Variants in ZPLD1 observed in about 807,000 individuals in gnomAD.
The protein encoded by ZPLD1 is zona pellucida like domain containing 1, also known as zona pellucida-like domain-containing protein 1.
A neutral mutation model predicts 47.2 loss-of-function variants in ZPLD1; 34 were observed. That is an observed-to-expected ratio of 0.72 (90% confidence interval 0.55 to 0.96). ZPLD1 has a LOEUF of 0.96. Among genes scored for constraint, ZPLD1 ranks in the 40% least tolerant of loss-of-function variants. ZPLD1 has a pLI of 0.00. For synonymous variants in ZPLD1, 176 were observed against 186.2 expected (o/e 0.95, Z 0.45); for missense variants, 512 against 505.8 (o/e 1.01, Z -0.12).
chr3:102,468,638 A>G (rs1707634127), intron 8 of ZPLD1, among the ~76,000 whole-genome samples: 1 of 152,240 alleles, frequency 6.6e-6, no homozygotes, highest in Non-Finnish European at 1.5e-5. Flanking sequence ...AAAATAAATG[A>G]AAATAAATGA....
upstream of ZPLD1, among the ~76,000 whole-genome samples, chr3:102,434,763 A>C (rs1179416288): frequency 6.6e-6 from 1 of 152,192 alleles, no homozygotes; most frequent in Non-Finnish European, 1.5e-5. Context: ...TGGTTGCTGC[A>C]CTTAGATGTG....
chr3:102,424,217 C>A (rs750106209), intron 8 of ZPLD1, among the ~76,000 whole-genome samples: 5 of 152,096 alleles, frequency 3.3e-5, no homozygotes, highest in Non-Finnish European at 7.4e-5. Context: ...AAATTGTCCT[C>A]GTCTCTCCAG....
At chr3:102,435,210 T>C in intron 1 of ZPLD1, 56 bp downstream of exon 1, 1 of 1,588,674 alleles carries the variant, frequency 6.3e-7, no homozygotes, top group East Asian at 2.2e-5. Context: ...TGTTTTAACT[T>C]ACAGTTGAAC....
At chr3:102,399,429 A>G (rs1473806140) in intron 7 of ZPLD1, among the ~76,000 whole-genome samples, 3 of 151,886 alleles carry the variant, frequency 2.0e-5, no homozygotes, top group Non-Finnish European at 4.4e-5. Context: ...TTGTCTACAG[A>G]GTTTTGCTTT....
chr3:102,406,394 C>T (rs1317223157), intron 7 of ZPLD1, among the ~76,000 whole-genome samples: 1 of 151,864 alleles, frequency 6.6e-6, no homozygotes, highest in African/African-American at 2.4e-5. Context: ...TCTTGTTTAC[C>T]AGGATTTCAC....
rs1010071688 is a variant in ZPLD1 at position 102,467,388 on chromosome 3, A to G, written c.762-1576A>G. On this transcript the variant is annotated intron_variant, in intron 8 of 11. Coordinates refer to ENST00000466937, the MANE Select transcript of ZPLD1 (RefSeq NM_001329788.2). The stretch of plus-strand genomic sequence containing the variant: ...ACAAAAAGATAAGCCGGGAATCAAC[A>G]TGGAAATGAGCAGAGTATGGTTCTA... 2.6e-5 allele frequency among the ~76,000 whole-genome samples: 4 copies of G among 152,140 alleles called. No individual in the cohort carries two copies. In the East Asian group the frequency reaches 7.7e-4, roughly 29 times the overall value.
In ZPLD1 at chr3:102,457,841, G is replaced by C. The variant is rs938887178; in HGVS notation, c.570G>C (p.Leu190=). 3.1e-6 allele frequency: 5 copies of C among 1,613,880 alleles called. No individual in the cohort carries two copies. Among genetic ancestry groups the C allele is most frequent in the Non-Finnish European group, 3.4e-6 (4 of 1,179,910 alleles). ...NNGTFVSTLN[L]LLYNDSTYNQ... Reference sequence around the variant, plus strand: ...GCACATTTGTCAGCACTTTGAACCTGCTCCTTTATAACGTAAGTTGATGGG... The same window carrying C: ...GCACATTTGTCAGCACTTTGAACCTCCTCCTTTATAACGTAAGTTGATGGG... Residue 190 remains leucine, a synonymous_variant, in exon 6 of 12, where the codon CTG becomes CTC. Coordinates refer to ENST00000466937, the MANE Select transcript of ZPLD1 (RefSeq NM_001329788.2).
In ZPLD1 at chr3:102,452,308, C is replaced by G. The variant is rs150726552; in HGVS notation, c.107-611C>G. On this transcript the variant is annotated intron_variant, in intron 3 of 11. Coordinates refer to ENST00000466937, the MANE Select transcript of ZPLD1 (RefSeq NM_001329788.2). Reference sequence around the variant, plus strand: ...CATAGTCATTGGCAAAATTTTCCTACAGTGAGCTGTGCATTTTTGTTCATA... The same window carrying G: ...CATAGTCATTGGCAAAATTTTCCTAGAGTGAGCTGTGCATTTTTGTTCATA... Among the ~76,000 whole-genome samples, 354 of 150,036 alleles carry G rather than the reference C, an allele frequency of 2.4e-3. 3 individuals are homozygous for G. The highest frequency in any genetic ancestry group is 1.1e-3 in the South Asian group (5 of 4,736).
intron 6 of ZPLD1, among the ~76,000 whole-genome samples, chr3:102,386,304 T>C (rs74347996): frequency 5.3e-5 from 8 of 151,128 alleles, no homozygotes; most frequent in East Asian, 3.9e-4. Flanking sequence ...TTTTTTTTTT[T>C]CCAAATACAG....
chr3:102,446,637 CA>C (rs1258025669), intron 3 of ZPLD1, among the ~76,000 whole-genome samples: 1 of 152,150 alleles, frequency 6.6e-6, no homozygotes, highest in East Asian at 1.9e-4. Context: ...ACCTACACAT[CA>C]GTGACATCCC....
In ZPLD1 at chr3:102,477,550, G is replaced by C; in HGVS notation, c.1180G>C (p.Ala394Pro). 2 of 1,613,730 alleles carry C rather than the reference G, an allele frequency of 1.2e-6. No individual in the cohort carries two copies. Among genetic ancestry groups the C allele is most frequent in the Non-Finnish European group, 1.7e-6 (2 of 1,179,756 alleles). The change falls in exon 12 of 12, where the codon GCC (alanine) becomes CCC (proline). Residue 394 changes from alanine to proline, a missense_variant. Transcript: ENST00000466937. ...TSFSLLLCSLALLHRKGPTSL... is the reference protein window; with the variant it reads ...TSFSLLLCSLPLLHRKGPTSL... ...CTTTTCTCTTCTTCTGTGCTCACTGGCCCTTCTGCACAGGAAGGGACCCAC... is the reference window on the plus strand; with the variant it reads ...CTTTTCTCTTCTTCTGTGCTCACTGCCCCTTCTGCACAGGAAGGGACCCAC...
Position 102,414,661 on chromosome 3 carries a change from C to T in ZPLD1, c.-156-3399C>T, listed in dbSNP as rs138401986. ...TTGATCATGTGTAAATAAATAACTG[C>T]GAAGAAATTATAGTACAATAAATAC... is the stretch of plus-strand genomic sequence containing the variant. On this transcript the variant is annotated intron_variant, in intron 7 of 17. Transcript: ENST00000491959. Among the ~76,000 whole-genome samples the T allele has an allele frequency of 4.3e-3, 645 of 151,502 alleles. 5 individuals are homozygous for T. The highest frequency in any genetic ancestry group is 0.015 in the African/African-American group (608 of 41,346).
upstream of ZPLD1, among the ~76,000 whole-genome samples, chr3:102,431,381 T>G (rs574503373): frequency 2.6e-5 from 4 of 152,340 alleles, no homozygotes; most frequent in African/African-American, 9.6e-5. Flanking sequence ...AAGTACATGG[T>G]GTGTTTTTTT....
intron 8 of ZPLD1, among the ~76,000 whole-genome samples, chr3:102,466,753 G>T (rs973070423): frequency 6.6e-6 from 1 of 151,446 alleles, no homozygotes; most frequent in Non-Finnish European, 1.5e-5. Flanking sequence ...ATAAGTATAA[G>T]AAATACAAAT....
intron 6 of ZPLD1, among the ~76,000 whole-genome samples, chr3:102,461,110 T>A (rs1047084476): frequency 2.6e-5 from 4 of 152,060 alleles, no homozygotes; most frequent in Non-Finnish European, 5.9e-5. Context: ...CAACTATTAC[T>A]GTCTTAAATT....
intron 3 of ZPLD1, among the ~76,000 whole-genome samples, chr3:102,441,643 A>T (rs963315587): frequency 6.6e-6 from 1 of 152,184 alleles, no homozygotes; most frequent in Non-Finnish European, 1.5e-5. Context: ...TTAAATAAGC[A>T]TTAAACCAGA....
chr3:102,435,197 G>A, intron 1 of ZPLD1, 43 bp downstream of exon 1: 1 of 1,608,746 alleles, frequency 6.2e-7, no homozygotes, highest in Non-Finnish European at 8.5e-7. Context: ...TAGTTCATCA[G>A]TTTGTTTTAA....
Position 102,462,396 on chromosome 3 carries a change from T to C in ZPLD1, c.680+18T>C, listed in dbSNP as rs755264089. 7 of 1,566,750 alleles carry C rather than the reference T, an allele frequency of 4.5e-6. No homozygotes were observed. The highest frequency in any genetic ancestry group is 6.1e-6 in the Non-Finnish European group (7 of 1,143,438). On this transcript the variant is annotated intron_variant, in intron 7 of 11. Transcript: ENST00000466937. Reference sequence around the variant, plus strand: ...GATGGCAGGTAATTTCAAACTCTTGTCTTTTTTAGGTTAAAACTCTTTGAC... The same window carrying C: ...GATGGCAGGTAATTTCAAACTCTTGCCTTTTTTAGGTTAAAACTCTTTGAC...
chr3:102,435,241 G>T, intron 1 of ZPLD1, 87 bp downstream of exon 1: 5 of 1,447,374 alleles, frequency 3.5e-6, no homozygotes, highest in Non-Finnish European at 4.9e-6. Context: ...GCTTGAAAAT[G>T]TCGTAAGCCC....
Sources: gnomAD v4.1 joint callset for allele counts (sites outside exome capture counted in the v4.1 genomes callset) on GRCh38, gnomAD v4.1.1 for gene constraint, MANE v1.5 for transcripts, NCBI Gene and HGNC (gene_info 2026-07-23, HGNC 2026-07-21) for gene names.